The following RNF144A variants were observed in gnomAD, a reference collection of about 807,000 sequenced individuals.
RNF144A encodes the protein ring finger protein 144A.
In RNF144A, 11 loss-of-function variants were observed where a neutral mutation model predicts 38.7. The observed-to-expected ratio is 0.28, with a 90% CI of 0.18 to 0.47. The LOEUF is 0.47. Among genes scored for constraint, RNF144A ranks in the 20% least tolerant of loss-of-function variants. The probability of loss-of-function intolerance (pLI) is 0.99; values close to 1 mark genes in which losing one functional copy is unlikely to be tolerated. For missense variants in RNF144A, 316 were observed against 377.2 expected (o/e 0.84, Z 1.34); for synonymous variants, 149 against 143.9 (o/e 1.04, Z -0.25).
At chr2:7,027,119 C>T (rs147422647) in intron 7 of RNF144A, among the ~76,000 whole-genome samples, 19 of 152,282 alleles carry the variant, frequency 1.2e-4, no homozygotes, top group African/African-American at 1.9e-4. Flanking sequence ...TTCCCCCAAG[C>T]GTGCTTTCTG....
Position 6,962,517 on chromosome 2 carries a change from T to G in RNF144A, c.-12+21370T>G, listed in dbSNP as rs1412258032. On this transcript the variant is annotated intron_variant, in intron 2 of 8. Transcript: ENST00000320892. The surrounding 1 kb of genome is among the most constrained non-coding windows in gnomAD (Gnocchi z 4.1). Reference sequence around the variant, plus strand: ...AGGGAAGCTCTGCCGAGGACTCTTTTTGATCTCATAATTTCTTTCTACCTC... The same window carrying G: ...AGGGAAGCTCTGCCGAGGACTCTTTGTGATCTCATAATTTCTTTCTACCTC... 6.6e-6 allele frequency among the ~76,000 whole-genome samples: 1 copy of G among 152,224 alleles called. No homozygotes were observed. The highest frequency in any genetic ancestry group is 2.4e-5 in the African/African-American group (1 of 41,454).
At chr2:6,925,797 A>C (rs979727879) in intron 1 of RNF144A, among the ~76,000 whole-genome samples, 1 of 152,196 alleles carries the variant, frequency 6.6e-6, no homozygotes, top group Non-Finnish European at 1.5e-5. Context: ...TAATAAGGTC[A>C]CATTCATAAG....
intron 3 of RNF144A, among the ~76,000 whole-genome samples, chr2:6,997,387 T>G (rs541252513): frequency 6.6e-6 from 1 of 152,366 alleles, no homozygotes; most frequent in South Asian, 2.1e-4. Flanking sequence ...ATATCAAATG[T>G]ATTTTAATAG....
intron 6 of RNF144A, among the ~76,000 whole-genome samples, chr2:7,066,378 T>C (rs1014366020): frequency 7.2e-5 from 11 of 152,326 alleles, no homozygotes; most frequent in South Asian, 6.2e-4. Flanking sequence ...TCAGCCACCA[T>C]GCCCGGTCAA....
intron 8 of RNF144A, among the ~76,000 whole-genome samples, chr2:7,038,790 G>C (rs1297297833): frequency 6.6e-6 from 1 of 152,026 alleles, no homozygotes; most frequent in African/African-American, 2.4e-5. Context: ...GGATAGATGG[G>C]TGGATGGGTG....
chr2:7,055,458 C>A (rs966535670), intron 6 of RNF144A, among the ~76,000 whole-genome samples: 1 of 152,210 alleles, frequency 6.6e-6, no homozygotes, highest in Non-Finnish European at 1.5e-5. Context: ...CACCGCCATC[C>A]TCTCCACTGT....
intron 2 of RNF144A, among the ~76,000 whole-genome samples, chr2:6,980,668 A>G (rs1260726931): frequency 4.6e-5 from 7 of 152,190 alleles, no homozygotes; most frequent in African/African-American, 1.7e-4. Context: ...CAGCTTTTTC[A>G]GGTGCCCAGT....
intron 2 of RNF144A, among the ~76,000 whole-genome samples, chr2:6,955,437 A>AGGAGG (rs1398515222): frequency 6.6e-6 from 1 of 152,178 alleles, no homozygotes; most frequent in Non-Finnish European, 1.5e-5. Flanking sequence ...GAGGGATCAG[A>AGGAGG]GACCCGTGGG....
downstream of RNF144A, among the ~76,000 whole-genome samples, chr2:7,046,248 A>G (rs980777358): frequency 6.6e-5 from 10 of 152,194 alleles, no homozygotes; most frequent in African/African-American, 2.4e-4. Context: ...CAGCCATTTA[A>G]AAACAGCAAT....
chr2:6,922,296 T>G (rs2103267801), intron 1 of RNF144A, among the ~76,000 whole-genome samples: 1 of 152,214 alleles, frequency 6.6e-6, no homozygotes, highest in South Asian at 2.1e-4. Context: ...CCGTGCAGGC[T>G]CTGGGGGCTT....
chr2:6,993,835 T>G (rs1250943970), intron 2 of RNF144A, among the ~76,000 whole-genome samples: 1 of 152,106 alleles, frequency 6.6e-6, no homozygotes, highest in Non-Finnish European at 1.5e-5. Context: ...AGTCTAAGCT[T>G]GTTAACCTGA....
chr2:7,068,167 G>A (rs2103484047), intron 6 of RNF144A: 1 of 967,240 alleles, frequency 1.0e-6, no homozygotes, highest in South Asian at 1.4e-5. Context: ...CATTGAGTAA[G>A]CTTTTCTGTG....
At chr2:7,062,582 G>A (rs1014183489) in intron 6 of RNF144A, 1 of 151,518 alleles carries the variant, frequency 6.6e-6, no homozygotes, top group African/African-American at 2.4e-5. Context: ...TTGCATTATA[G>A]TAGCAGGGAC....
chr2:7,049,162 T>C (rs1016873029), downstream of RNF144A, among the ~76,000 whole-genome samples: 1 of 152,100 alleles, frequency 6.6e-6, no homozygotes, highest in African/African-American at 2.4e-5. Flanking sequence ...GAAGGCTGAA[T>C]AGTTTTCAGC....
rs181260071 is a variant in RNF144A at position 7,066,653 on chromosome 2, G to A, written c.735-1563G>A. On this transcript the variant is annotated intron_variant, in intron 6 of 6. Transcript: ENST00000432850. ...GGAATGTTGTATCTTCAGATATGAC[G>A]ACTTTAAGAAACTAAGGTTGACTTT... Among the ~76,000 whole-genome samples, 8 of 152,272 alleles carry A rather than the reference G, an allele frequency of 5.3e-5. No individual in the cohort carries two copies. The South Asian group carries it at 1.0e-3, about 20-fold the overall frequency.
chr2:7,017,468 C>T (rs1671215893), intron 5 of RNF144A, among the ~76,000 whole-genome samples: 1 of 152,190 alleles, frequency 6.6e-6, no homozygotes, highest in African/African-American at 2.4e-5. Flanking sequence ...CACCAGGCAC[C>T]AGCCCGCCGG....
rs116053330 is a variant in RNF144A, at chr2:6,993,064, G to A, written c.-11-3852G>A. 8.5e-3 allele frequency among the ~76,000 whole-genome samples: 1,291 copies of A among 152,250 alleles called. 23 individuals are homozygous for A. The highest frequency in any genetic ancestry group is 0.03 in the African/African-American group (1,228 of 41,538). ...TCTGATTGCAAGTTCGCAGCTGTTC[G>A]CTGTTTGCAAAATCATATTAAGGCC... On this transcript the variant is annotated intron_variant, in intron 2 of 8. Transcript: ENST00000320892.
At chr2:7,011,729 C>A (rs182498542) in intron 3 of RNF144A, among the ~76,000 whole-genome samples, 21 of 152,236 alleles carry the variant, frequency 1.4e-4, no homozygotes, top group African/African-American at 5.1e-4. Context: ...TTTTTGTGCT[C>A]ATTTCAAGAC....
chr2:6,989,387 A>G (rs530126530), intron 2 of RNF144A, among the ~76,000 whole-genome samples: 4 of 152,334 alleles, frequency 2.6e-5, no homozygotes, highest in East Asian at 3.9e-4. Context: ...GTAAAGGGAT[A>G]GTGGCTTCAG....
Sources: allele counts gnomAD v4.1 joint callset (sites outside exome capture counted in the v4.1 genomes callset), GRCh38; gene constraint gnomAD v4.1.1; non-coding constraint Gnocchi (gnomAD v3.1); transcripts MANE v1.5; gene names NCBI Gene and HGNC (gene_info 2026-07-23, HGNC 2026-07-21).